IL1RAPL1: variants seen among roughly 807,000 people sequenced by gnomAD.
IL1RAPL1 encodes interleukin-1 receptor accessory protein-like 1.
A neutral mutation model predicts 48.4 loss-of-function variants in IL1RAPL1; 3 were observed. The ratio of observed to expected loss-of-function variants is 0.06; its 90% CI spans 0.03 to 0.16. The LOEUF is 0.16. Ranked by LOEUF, IL1RAPL1 falls within the 10% of genes least tolerant of loss-of-function variation. The probability of loss-of-function intolerance (pLI) is 1.00; values close to 1 mark genes in which losing one functional copy is unlikely to be tolerated. For synonymous variants in IL1RAPL1, 185 were observed against 187.7 expected (o/e 0.99, Z 0.12); for missense variants, 349 against 530.6 (o/e 0.66, Z 3.36).
intron 2 of IL1RAPL1, among the ~76,000 whole-genome samples, chrX:29,238,212 T>C (rs915160371): frequency 5.4e-5 from 6 of 111,892 alleles, no homozygotes; most frequent in Admixed American, 4.7e-4. Context: ...AGTTTATAAA[T>C]AGCCTTTCTT....
intron 2 of IL1RAPL1, among the ~76,000 whole-genome samples, chrX:29,254,747 C>T (rs1931724932): frequency 9.0e-6 from 1 of 111,256 alleles, no homozygotes. Context: ...CTGACAGTGA[C>T]AGGAGTCAAG....
chrX:29,194,982 A>G (rs1930416741), intron 2 of IL1RAPL1, among the ~76,000 whole-genome samples: 1 of 111,570 alleles, frequency 9.0e-6, no homozygotes, highest in Non-Finnish European at 1.9e-5. Flanking sequence ...AACTCGCCCC[A>G]ACCCATTTAA....
chrX:29,210,874 A>G (rs892197443), intron 2 of IL1RAPL1, among the ~76,000 whole-genome samples: 1 of 112,289 alleles, frequency 8.9e-6, no homozygotes, highest in Non-Finnish European at 1.9e-5. Flanking sequence ...TCAGCTCTAT[A>G]TGAATACCAG....
intron 2 of IL1RAPL1, among the ~76,000 whole-genome samples, chrX:29,111,800 T>G (rs183997324): frequency 7.2e-5 from 8 of 111,584 alleles, no homozygotes; most frequent in Admixed American, 6.7e-4. Flanking sequence ...ATTTCCCTGA[T>G]AGTGATGTTG....
chrX:29,505,485 A>G (rs1229357855), intron 5 of IL1RAPL1, among the ~76,000 whole-genome samples: 1 of 111,145 alleles, frequency 9.0e-6, no homozygotes, highest in Non-Finnish European at 1.9e-5. Context: ...ATTATTTCTC[A>G]TTCATACTTG....
At chrX:29,619,328 A>G (rs1602329974) in intron 5 of IL1RAPL1, among the ~76,000 whole-genome samples, 1 of 111,646 alleles carries the variant, frequency 9.0e-6, no homozygotes, top group African/African-American at 3.2e-5. Context: ...GTATAATTAT[A>G]TATTCTTCAC....
intron 5 of IL1RAPL1, among the ~76,000 whole-genome samples, chrX:29,585,913 G>C (rs1394532823): frequency 2.7e-5 from 3 of 111,862 alleles, no homozygotes; most frequent in African/African-American, 9.7e-5. Flanking sequence ...TGAGTTGTAG[G>C]AGTTCCTTAT....
intron 3 of IL1RAPL1, among the ~76,000 whole-genome samples, chrX:29,290,634 C>T (rs1932355716): frequency 8.9e-6 from 1 of 112,103 alleles, no homozygotes; most frequent in African/African-American, 3.2e-5. Context: ...TTTATTTGCA[C>T]GTGACTCTGC....
intron 2 of IL1RAPL1, among the ~76,000 whole-genome samples, chrX:29,203,725 AT>A (rs1930605983): frequency 5.1e-4 from 1 of 1,952 alleles, no homozygotes; most frequent in East Asian, 0.026. Context: ...GTCTCAAAAT[AT>A]ATATATATAT....
intron 3 of IL1RAPL1, among the ~76,000 whole-genome samples, chrX:29,343,481 T>C (rs745791828): frequency 9.0e-6 from 1 of 111,610 alleles, no homozygotes; most frequent in East Asian, 2.8e-4. Context: ...CAAAGAACCC[T>C]GCTAAAACCG....
chrX:29,946,125 G>A (rs1357985703), intron 9 of IL1RAPL1, among the ~76,000 whole-genome samples: 1 of 111,465 alleles, frequency 9.0e-6, no homozygotes, highest in Non-Finnish European at 1.9e-5. Flanking sequence ...ACCCTTAATT[G>A]CAACTGCTTT....
At chrX:29,579,501 A>G (rs1411817896) in intron 5 of IL1RAPL1, among the ~76,000 whole-genome samples, 1 of 111,955 alleles carries the variant, frequency 8.9e-6, no homozygotes, top group South Asian at 3.7e-4. Context: ...AGGCTTACCT[A>G]TATATTCTCT....
intron 5 of IL1RAPL1, among the ~76,000 whole-genome samples, chrX:29,586,501 A>G (rs1372936981): frequency 8.9e-6 from 1 of 111,811 alleles, no homozygotes; most frequent in Non-Finnish European, 1.9e-5. Context: ...ATTTTCTTTC[A>G]AGACTGATTT....
intron 2 of IL1RAPL1, among the ~76,000 whole-genome samples, chrX:28,886,189 T>G (rs1232732510): frequency 9.1e-6 from 1 of 109,917 alleles, no homozygotes; most frequent in Non-Finnish European, 1.9e-5. Flanking sequence ...TTGTCTAAAT[T>G]CTTCAAGAAC....
intron 2 of IL1RAPL1, among the ~76,000 whole-genome samples, chrX:28,998,163 A>T (rs764202855): frequency 2.7e-5 from 3 of 109,867 alleles, no homozygotes; most frequent in South Asian, 3.8e-4. Flanking sequence ...TTATTTATTT[A>T]TTTTTTTTAG....
At chrX:29,247,935 T>A (rs1321964137) in intron 2 of IL1RAPL1, among the ~76,000 whole-genome samples, 1 of 111,474 alleles carries the variant, frequency 9.0e-6, no homozygotes, top group Non-Finnish European at 1.9e-5. Context: ...GTTTTGGCAT[T>A]TTAGACATTT....
intron 2 of IL1RAPL1, among the ~76,000 whole-genome samples, chrX:29,021,557 G>A (rs1263504292): frequency 9.0e-6 from 1 of 111,660 alleles, no homozygotes; most frequent in African/African-American, 3.3e-5. Flanking sequence ...ACTTTAAAAC[G>A]TTTTATTGTT....
chrX:29,481,676 G>T (rs748781152), intron 5 of IL1RAPL1, among the ~76,000 whole-genome samples: 26 of 111,806 alleles, frequency 2.3e-4, no homozygotes, highest in Non-Finnish European at 4.7e-4. Context: ...CTGTTAAATG[G>T]CCTGGTTGCT....
At chrX:29,639,761 C>T (rs1602340899) in intron 5 of IL1RAPL1, among the ~76,000 whole-genome samples, 4 of 110,669 alleles carry the variant, frequency 3.6e-5, no homozygotes, top group South Asian at 7.8e-4. Context: ...CAGTTACTTG[C>T]GCATGTTGTC....
Sources: gnomAD v4.1 joint callset for allele counts (sites outside exome capture counted in the v4.1 genomes callset) on GRCh38, gnomAD v4.1.1 for gene constraint, MANE v1.5 for transcripts, NCBI Gene and HGNC (gene_info 2026-07-23, HGNC 2026-07-21) for gene names.